Variants in LRP1B observed in about 807,000 individuals in gnomAD.
LRP1B encodes low-density lipoprotein receptor-related protein 1B.
In LRP1B, 217 loss-of-function variants were observed where a neutral mutation model predicts 556.6. That is an observed-to-expected ratio of 0.39 (90% confidence interval 0.35 to 0.44). The LOEUF (loss-of-function observed/expected upper bound fraction) is 0.44, where lower values mean the gene tolerates loss of function less well. Among genes scored for constraint, LRP1B ranks in the 20% least tolerant of loss-of-function variants. The probability of loss-of-function intolerance (pLI) is 1.00; values close to 1 mark genes in which losing one functional copy is unlikely to be tolerated. For synonymous variants in LRP1B, 2,047 were observed against 1,865.8 expected, an observed-to-expected ratio of 1.10 and a Z score of -2.50; for missense variants, 5,053 against 5,620.8, an observed-to-expected ratio of 0.90 and a Z score of 3.23.
chr2:141,932,634 T>C (rs1365358733), intron 1 of LRP1B, among the ~76,000 whole-genome samples: 6 of 152,084 alleles, frequency 3.9e-5, no homozygotes, highest in African/African-American at 1.4e-4. Context: ...AAGTATTAAC[T>C]ACAGAACTCA....
chr2:142,064,797 T>C (rs890314447), intron 1 of LRP1B, among the ~76,000 whole-genome samples: 4 of 151,708 alleles, frequency 2.6e-5, no homozygotes, highest in Admixed American at 2.6e-4. Flanking sequence ...CTTCAGATGA[T>C]AAAATAAAAA....
At chr2:141,715,797 A>G (rs1171634131) in intron 2 of LRP1B, among the ~76,000 whole-genome samples, 2 of 152,150 alleles carry the variant, frequency 1.3e-5, no homozygotes, top group African/African-American at 4.8e-5. Context: ...CCTGGGTGAC[A>G]AGAGTGAAAC....
chr2:141,472,973 C>T (rs1339340233), intron 3 of LRP1B, among the ~76,000 whole-genome samples: 1 of 152,132 alleles, frequency 6.6e-6, no homozygotes, highest in Non-Finnish European at 1.5e-5. Context: ...TTTTAGACTA[C>T]CTTTTGAATT....
intron 84 of LRP1B, among the ~76,000 whole-genome samples, chr2:140,276,315 C>T (rs142248137): frequency 6.6e-5 from 10 of 152,038 alleles, no homozygotes; most frequent in African/African-American, 1.9e-4. Flanking sequence ...CATTCCCATG[C>T]TTGCTGTTGC....
chr2:141,544,386 TCCTC>T (rs1685467193), intron 2 of LRP1B, among the ~76,000 whole-genome samples: 17 of 80,356 alleles, frequency 2.1e-4, no homozygotes, highest in East Asian at 5.6e-4. Context: ...CTTCTTCTCC[TCCTC>T]CTCCTCCTCC....
At chr2:140,469,616 A>C (rs1687682986) in intron 60 of LRP1B, among the ~76,000 whole-genome samples, 1 of 152,120 alleles carries the variant, frequency 6.6e-6, no homozygotes, top group Non-Finnish European at 1.5e-5. Context: ...TTTTTTCCTC[A>C]TATATTATGC....
chr2:140,789,841 G>A (rs1385391742), intron 32 of LRP1B, among the ~76,000 whole-genome samples: 3 of 151,012 alleles, frequency 2.0e-5, no homozygotes, highest in Non-Finnish European at 4.4e-5. Context: ...CGTTTTAGCC[G>A]GGATGGTCTC....
chr2:141,169,255 C>T (rs1443081092), intron 7 of LRP1B, among the ~76,000 whole-genome samples: 1 of 150,812 alleles, frequency 6.6e-6, no homozygotes, highest in Non-Finnish European at 1.5e-5. Context: ...CATTGCATTC[C>T]AGCCTGGGTG....
chr2:141,005,523 T>TAG, intron 14 of LRP1B, 66 bp from the exon 15 acceptor site: 1 of 1,490,942 alleles, frequency 6.7e-7, no homozygotes, highest in Non-Finnish European at 9.3e-7. Context: ...GAGGTGAACA[T>TAG]AGATGTAATT....
intron 43 of LRP1B, among the ~76,000 whole-genome samples, chr2:140,584,271 A>T (rs6739600): frequency 0.98 from 149,609 of 152,070 alleles, 73,643 homozygotes; most frequent in Middle Eastern, 1. Flanking sequence ...AACTTTTAAA[A>T]CTACTTTTCC....
intron 2 of LRP1B, among the ~76,000 whole-genome samples, chr2:141,678,368 G>A (rs1171962748): frequency 2.0e-5 from 3 of 152,052 alleles, no homozygotes; most frequent in African/African-American, 7.2e-5. Context: ...TGTCAGGAAA[G>A]AAAGAAACAA....
At chr2:140,543,149 T>A (rs890980547) in intron 43 of LRP1B, among the ~76,000 whole-genome samples, 2 of 152,242 alleles carry the variant, frequency 1.3e-5, no homozygotes, top group African/African-American at 2.4e-5. Context: ...CTAGCTTAAC[T>A]GTCAATAATT....
At chr2:141,409,452 A>T (rs1250134323) in intron 3 of LRP1B, among the ~76,000 whole-genome samples, 1 of 152,152 alleles carries the variant, frequency 6.6e-6, no homozygotes, top group Non-Finnish European at 1.5e-5. Context: ...ATAAAGCTCT[A>T]GTACATACAT....
intron 22 of LRP1B, among the ~76,000 whole-genome samples, chr2:140,903,981 G>T (rs1210568552): frequency 6.6e-6 from 1 of 151,854 alleles, no homozygotes; most frequent in South Asian, 2.1e-4. Context: ...AAAAAGATTA[G>T]CTTTTTAAAT....
chr2:141,019,888 T>A, intron 12 of LRP1B, 34 bp downstream of exon 12: 1 of 1,420,186 alleles, frequency 7.0e-7, no homozygotes, highest in Non-Finnish European at 9.5e-7. Context: ...CTATTATCAT[T>A]TTTCTTATAT....
chr2:140,657,469 T>C (rs1224719311), intron 41 of LRP1B, among the ~76,000 whole-genome samples: 1 of 151,050 alleles, frequency 6.6e-6, no homozygotes, highest in East Asian at 1.9e-4. Flanking sequence ...CTAACAAATA[T>C]GGGTGAACTA....
intron 2 of LRP1B, among the ~76,000 whole-genome samples, chr2:141,632,869 CA>C (rs55807294): frequency 0.12 from 15,781 of 133,096 alleles, 925 homozygotes; most frequent in African/African-American, 0.18. Flanking sequence ...CTACAAGAAC[CA>C]AAAAAAAAAA....
At chr2:141,560,802 G>A (rs904671363) in intron 2 of LRP1B, among the ~76,000 whole-genome samples, 1 of 151,534 alleles carries the variant, frequency 6.6e-6, no homozygotes, top group African/African-American at 2.4e-5. Flanking sequence ...GCATAATTAA[G>A]TATACTTAGT....
chr2:141,276,130 T>C (rs1411070143), intron 3 of LRP1B, among the ~76,000 whole-genome samples: 1 of 152,226 alleles, frequency 6.6e-6, no homozygotes, highest in Non-Finnish European at 1.5e-5. Context: ...TTTCACTCAT[T>C]GCTTTCCAAA....
Sources: gnomAD v4.1 joint callset for allele counts (sites outside exome capture counted in the v4.1 genomes callset) on GRCh38, gnomAD v4.1.1 for gene constraint, MANE v1.5 for transcripts, NCBI Gene and HGNC (gene_info 2026-07-23, HGNC 2026-07-21) for gene names.